SV2B: variants seen among roughly 807,000 people sequenced by gnomAD.
SV2B encodes synaptic vesicle glycoprotein 2B.
In SV2B, 41 loss-of-function variants were observed where a neutral mutation model predicts 73.9. That is an observed-to-expected ratio of 0.56 (90% confidence interval 0.43 to 0.72). The LOEUF is 0.72. SV2B is among the 30% of genes least tolerant of loss of function. The pLI, the probability that SV2B is intolerant of heterozygous loss-of-function variation, is 0.00. For missense variants in SV2B, 764 were observed against 857.8 expected (o/e 0.89, Z 1.37); for synonymous variants, 314 against 314.2 (o/e 1.00, Z 0.01).
At chr15:91,158,656 C>CTT (rs1250468391) in intron 1 of SV2B, among the ~76,000 whole-genome samples, 1 of 46,010 alleles carries the variant, frequency 2.2e-5, no homozygotes, top group African/African-American at 1.1e-4. Context: ...CTTCTCTTCT[C>CTT]TTCTCTTCTC....
rs536885628 is a variant in SV2B at position 91,150,186 on chromosome 15, T to A, written c.-392+49823T>A. On this transcript the variant is annotated intron_variant, in intron 1 of 12. Transcript: ENST00000394232. ...CCCAGCCAATTTTTTGTATTTTTTT[T>A]AGAAGAGATGGTGTTTTGCCATGTT... is the stretch of plus-strand genomic sequence containing the variant. Among the ~76,000 whole-genome samples, 322 of 152,144 alleles carry A rather than the reference T, an allele frequency of 2.1e-3. 1 individual carries two copies. The highest frequency in any genetic ancestry group is 7.5e-3 in the African/African-American group (311 of 41,506).
intron 1 of SV2B, among the ~76,000 whole-genome samples, chr15:91,183,892 A>G (rs1293483516): frequency 6.6e-6 from 1 of 152,174 alleles, no homozygotes; most frequent in Admixed American, 6.5e-5. Context: ...AAATGTTGTC[A>G]TTGTCATCTG....
Position 91,258,443 on chromosome 15 carries a change from C to G in SV2B, c.807C>G (p.Thr269=), listed in dbSNP as rs185426965. ...PHYGWGFSMG[T]NYHFHSWRVF... ...CAGGCTGGGGCTTCAGCATGGGGAC[C>G]AATTACCACTTCCATAGCTGGAGAG... Residue 269 remains threonine (T), a synonymous_variant, in exon 5 of 13, where the codon ACC becomes ACG. Transcript: ENST00000394232. The surrounding 1 kb of genome is among the most constrained non-coding windows in gnomAD (Gnocchi z 4.7). 1.1e-5 allele frequency: 17 copies of G among 1,614,064 alleles called. No individual in the cohort carries two copies. In the African/African-American group the frequency reaches 2.0e-4, roughly 19 times the overall value.
chr15:91,148,575 T>A (rs542743538), intron 1 of SV2B, among the ~76,000 whole-genome samples: 1 of 152,020 alleles, frequency 6.6e-6, no homozygotes, highest in South Asian at 2.1e-4. Context: ...GAAAGTGAGA[T>A]GAAAAGGAGA....
chr15:91,267,777 A>C lies in SV2B; in HGVS notation c.1208+134A>C, dbSNP rs936848499. 6.8e-6 allele frequency: 5 copies of C among 735,298 alleles called. No individual in the cohort carries two copies. The highest frequency in any genetic ancestry group is 1.2e-5 in the Non-Finnish European group (5 of 420,100). 45.5% of individuals were successfully genotyped at this position (735,298 alleles called of 1,614,324 possible). ...CTTTGGTGGCAAGTAGCAGAAAACC[A>C]ACTCTAGTGGCTTCTACAAAGAAGA... On this transcript the variant is annotated intron_variant, in intron 8 of 12. Coordinates refer to ENST00000394232, the MANE Select transcript of SV2B (RefSeq NM_001323032.3). This position sits in a 1 kb window ranked among gnomAD's most constrained non-coding sequence, Gnocchi z 4.3.
rs1490454853 is a variant in SV2B, at chr15:91,211,642, T to C, written c.-391-14231T>C. On this transcript the variant is annotated intron_variant, in intron 1 of 12. Transcript: ENST00000394232. Reference sequence around the variant, plus strand: ...CCTCAGCCTCCTGAGTAGCTGGAATTACAGGTGCCCACCACCACACCCAGC... The same window carrying C: ...CCTCAGCCTCCTGAGTAGCTGGAATCACAGGTGCCCACCACCACACCCAGC... Among the ~76,000 whole-genome samples the C allele has an allele frequency of 2.6e-5, 4 of 152,016 alleles. 1 individual carries two copies. The South Asian group carries it at 6.3e-4, about 24-fold the overall frequency.
chr15:91,251,218 A>G (rs777487061), intron 2 of SV2B, among the ~76,000 whole-genome samples: 12 of 152,262 alleles, frequency 7.9e-5, no homozygotes, highest in Non-Finnish European at 1.5e-4. Context: ...AGTCTCTTCA[A>G]TAAATTGCGT....
chr15:91,224,832 C>T lies in SV2B; in HGVS notation c.-391-1041C>T, dbSNP rs139650557. Among the ~76,000 whole-genome samples, 57 of 152,194 alleles carry T rather than the reference C, an allele frequency of 3.7e-4. 1 individual carries two copies. In the East Asian group the frequency reaches 0.01, roughly 28 times the overall value. ...CAGTAGGCCACAATAAATGGTGGCC[C>T]CAAGCCTTGTGAAACCTGAGATTCT... On this transcript the variant is annotated intron_variant, in intron 1 of 12. Coordinates refer to ENST00000394232, the MANE Select transcript of SV2B (RefSeq NM_001323032.3). This position sits in a 1 kb window ranked among gnomAD's most constrained non-coding sequence, Gnocchi z 4.9.
intron 1 of SV2B, among the ~76,000 whole-genome samples, chr15:91,148,171 G>A (rs368670054): frequency 9.2e-5 from 14 of 151,656 alleles, no homozygotes; most frequent in African/African-American, 3.1e-4. Context: ...AGTAGAGACG[G>A]GGTTTCACCA....
intron 12 of SV2B, 121 bp from the exon 13 acceptor site, chr15:91,292,248 T>C (rs2049067029): frequency 1.1e-6 from 1 of 876,428 alleles, no homozygotes; most frequent in African/African-American, 1.7e-5. Context: ...GTTATTTTTA[T>C]ATTTAGGAAA....
chr15:91,268,338 G>T lies in SV2B; in HGVS notation c.1209-103G>T, dbSNP rs948972008. The T allele has an allele frequency of 2.6e-6, 3 of 1,148,322 alleles. No individual in the cohort carries two copies. Among genetic ancestry groups the T allele is most frequent in the Non-Finnish European group, 3.6e-6 (3 of 835,352 alleles). The allele number at this position is 1,148,322 out of a possible 1,614,324, so 71.1% of individuals were successfully genotyped here. A position where few individuals can be genotyped will look rare whatever the true frequency, so the allele number is the denominator to read the frequency against. ...TTTTCTAATAATGAACCAAATTAAT[G>T]TATTTTCAATGAGTTTGATCTGCAT... On this transcript the variant is annotated intron_variant, in intron 8 of 12. Coordinates refer to ENST00000394232, the MANE Select transcript of SV2B (RefSeq NM_001323032.3). The surrounding 1 kb of genome is among the most constrained non-coding windows in gnomAD (Gnocchi z 4.4).
intron 2 of SV2B, among the ~76,000 whole-genome samples, chr15:91,230,257 A>G (rs981141227): frequency 5.9e-5 from 9 of 151,566 alleles, no homozygotes; most frequent in Non-Finnish European, 1.2e-4. Context: ...AAAAAAAAAA[A>G]AAAAGAAAAG....
At chr15:91,246,749 T>G (rs1453097848) in intron 2 of SV2B, among the ~76,000 whole-genome samples, 1 of 149,750 alleles carries the variant, frequency 6.7e-6, no homozygotes, top group Non-Finnish European at 1.5e-5. Context: ...CTCCTCCTCC[T>G]TCTTCTCCTC....
chr15:91,229,873 C>G lies in SV2B; in HGVS notation c.451+3159C>G, dbSNP rs1297384329. Among the ~76,000 whole-genome samples, 2 of 152,220 alleles carry G rather than the reference C, an allele frequency of 1.3e-5. No homozygotes were observed. The highest frequency in any genetic ancestry group is 2.9e-5 in the Non-Finnish European group (2 of 68,036). On this transcript the variant is annotated intron_variant, in intron 2 of 12. Transcript: ENST00000394232. This position sits in a 1 kb window ranked among gnomAD's most constrained non-coding sequence, Gnocchi z 4.3. ...CTAAGGTCAAGCTATCCTGCCTCAG[C>G]TGGCGAAAAGGCTGTTTATGTTTGA... is the stretch of plus-strand genomic sequence containing the variant.
chr15:91,138,369 GC>G (rs1313773365), intron 1 of SV2B, among the ~76,000 whole-genome samples: 2 of 152,198 alleles, frequency 1.3e-5, no homozygotes, highest in African/African-American at 4.8e-5. Flanking sequence ...AATTTAAATA[GC>G]CACATGTGGC....
rs948701370 is a variant in SV2B at position 91,132,245 on chromosome 15, G to T, written c.-392+31882G>T. Among the ~76,000 whole-genome samples, 13 of 152,238 alleles carry T rather than the reference G, an allele frequency of 8.5e-5. No individual in the cohort carries two copies. Among genetic ancestry groups the T allele is most frequent in the Non-Finnish European group, 1.9e-4 (13 of 68,036 alleles). Reference sequence around the variant, plus strand: ...ACCCTCTAGAAGTTTCCCATTGGCTGCTTCATGCTCACCTCATGTAAATGA... The same window carrying T: ...ACCCTCTAGAAGTTTCCCATTGGCTTCTTCATGCTCACCTCATGTAAATGA... On this transcript the variant is annotated intron_variant, in intron 1 of 12. Coordinates refer to ENST00000394232, the MANE Select transcript of SV2B (RefSeq NM_001323032.3). The surrounding 1 kb of genome is among the most constrained non-coding windows in gnomAD (Gnocchi z 4.6).
At chr15:91,203,054 T>G (rs2045516141) in intron 1 of SV2B, among the ~76,000 whole-genome samples, 1 of 152,184 alleles carries the variant, frequency 6.6e-6, no homozygotes, top group African/African-American at 2.4e-5. Context: ...GATGACAGTC[T>G]TATTACTGCA....
rs974459497 is a variant in SV2B at position 91,100,764 on chromosome 15, T to C, written c.-392+401T>C. Among the ~76,000 whole-genome samples, 1 of 152,244 alleles carries C rather than the reference T, an allele frequency of 6.6e-6. No individual in the cohort carries two copies. The highest frequency in any genetic ancestry group is 2.4e-5 in the African/African-American group (1 of 41,466). On this transcript the variant is annotated intron_variant, in intron 1 of 12. Coordinates refer to ENST00000394232, the MANE Select transcript of SV2B (RefSeq NM_001323032.3). This position sits in a 1 kb window ranked among gnomAD's most constrained non-coding sequence, Gnocchi z 6.4. ...AGATTTTGTTATTGTTGTTGGCTTG[T>C]TCTTAAAGAACAGAATTCAAACGTG...
At chr15:91,213,399 G>C (rs952872636) in intron 1 of SV2B, among the ~76,000 whole-genome samples, 2 of 152,204 alleles carry the variant, frequency 1.3e-5, no homozygotes, top group African/African-American at 4.8e-5. Context: ...GAACTTACTA[G>C]CTGTGTGACC....
Sources: gnomAD v4.1 joint callset for allele counts (sites outside exome capture counted in the v4.1 genomes callset) on GRCh38, gnomAD v4.1.1 for gene constraint, Gnocchi (gnomAD v3.1) non-coding constraint, MANE v1.5 for transcripts, NCBI Gene and HGNC (gene_info 2026-07-23, HGNC 2026-07-21) for gene names.